The following RNF24 variants were observed in gnomAD, a reference collection of about 807,000 sequenced individuals.
The protein encoded by RNF24 is ring finger protein 24.
RNF24 carries 14 observed loss-of-function variants against 20.0 expected under a neutral mutation model. That is an observed-to-expected ratio of 0.70 (90% CI 0.46 to 1.10). RNF24 has a LOEUF of 1.10. RNF24 is among the 50% of genes least tolerant of loss of function. The pLI is 0.00. For missense variants in RNF24, 124 were observed against 177.6 expected (o/e 0.70, Z 1.71); for synonymous variants, 45 against 61.1 (o/e 0.74, Z 1.23).
intron 1 of RNF24, among the ~76,000 whole-genome samples, chr20:3,975,975 T>C (rs1042133390): frequency 6.6e-6 from 1 of 152,092 alleles, no homozygotes; most frequent in Non-Finnish European, 1.5e-5. Flanking sequence ...TTAGTAGAGA[T>C]GGGGTTTCAC....
chr20:3,961,345 G>T (rs889544203), intron 2 of RNF24, among the ~76,000 whole-genome samples: 1 of 150,984 alleles, frequency 6.6e-6, no homozygotes, highest in Non-Finnish European at 1.5e-5. Flanking sequence ...AGGCTTTGGT[G>T]AGCCTCATGT....
chr20:3,943,440 T>C (rs2090981114), intron 4 of RNF24, among the ~76,000 whole-genome samples: 1 of 152,028 alleles, frequency 6.6e-6, no homozygotes, highest in Non-Finnish European at 1.5e-5. Flanking sequence ...AGATTTACTA[T>C]AAAGCTATTA....
At chr20:3,959,273 C>T (rs2091176066) in intron 2 of RNF24, among the ~76,000 whole-genome samples, 1 of 152,262 alleles carries the variant, frequency 6.6e-6, no homozygotes, top group South Asian at 2.1e-4. Flanking sequence ...TACCCAGCTG[C>T]CTAAGCCAGA....
chr20:3,931,577 G>T lies in RNF24; in HGVS notation c.*2486C>A. 1 of 152,328 alleles carries T rather than the reference G, an allele frequency of 6.6e-6. No individual in the cohort carries two copies. 9.4% of individuals were successfully genotyped at this position (152,328 alleles called of 1,614,324 possible). A position where few individuals can be genotyped will look rare whatever the true frequency, so the allele number is the denominator to read the frequency against. On this transcript the variant is annotated 3_prime_UTR_variant, in exon 6 of 6. Coordinates refer to ENST00000358395, the MANE Select transcript of RNF24 (RefSeq NM_001134337.3). ...TCGGGTTGTGTTGCTAAGAGTCGCA[G>T]GAACTACTGCTAGTGATACTAGGCT... is the stretch of plus-strand genomic sequence containing the variant.
At chr20:3,988,198 C>T (rs1180628269) in intron 1 of RNF24, among the ~76,000 whole-genome samples, 3 of 151,970 alleles carry the variant, frequency 2.0e-5, no homozygotes, top group African/African-American at 7.3e-5. Flanking sequence ...ATGATATGCA[C>T]CTGTGATCCC....
chr20:3,978,406 C>T (rs973599561), intron 1 of RNF24, among the ~76,000 whole-genome samples: 4 of 151,852 alleles, frequency 2.6e-5, no homozygotes, highest in African/African-American at 4.8e-5. Context: ...GAAGAATTTG[C>T]AATATTCCCA....
chr20:3,964,524 A>T (rs905452038), intron 1 of RNF24, among the ~76,000 whole-genome samples: 12 of 150,296 alleles, frequency 8.0e-5, no homozygotes, highest in African/African-American at 2.7e-4. Context: ...TTTTCAAGTA[A>T]TTTTTTTTTT....
At chr20:4,008,393 T>TATATATATA (rs1362132260) in intron 1 of RNF24, among the ~76,000 whole-genome samples, 3 of 23,058 alleles carry the variant, frequency 1.3e-4, no homozygotes, top group African/African-American at 6.1e-4. Flanking sequence ...ATATATATTA[T>TATATATATA]ATATGTAATA....
intron 1 of RNF24, among the ~76,000 whole-genome samples, chr20:3,981,987 G>C (rs565265865): frequency 1.3e-5 from 2 of 151,928 alleles, no homozygotes; most frequent in East Asian, 1.9e-4. Flanking sequence ...GTATGGTGGT[G>C]CATGCCTATG....
intron 4 of RNF24, among the ~76,000 whole-genome samples, chr20:3,938,802 C>T (rs1354172587): frequency 6.6e-6 from 1 of 152,022 alleles, no homozygotes; most frequent in African/African-American, 2.4e-5. Flanking sequence ...GCACTGGTGC[C>T]ATCATAGCTC....
At chr20:3,999,399 T>C (rs1015002564) in intron 1 of RNF24, among the ~76,000 whole-genome samples, 1 of 152,204 alleles carries the variant, frequency 6.6e-6, no homozygotes, top group Non-Finnish European at 1.5e-5. Context: ...TAACCGTTTA[T>C]AGGGCTTTTC....
rs2091002252 is a variant in RNF24, at chr20:3,945,195, T to G, written c.210A>C (p.Lys70Asn). Residue 70 changes from lysine to asparagine, a missense_variant, in exon 4 of 6, where the codon AAA (lysine) becomes AAC (asparagine). Coordinates refer to ENST00000358395, the MANE Select transcript of RNF24 (RefSeq NM_001134337.3). ...AACTTACCTCATGTAAATTCAATTC[T>G]TTTACTTTCTCTTTTAATATAACCT... ...YKQVILKEKV[K>N]ELNLHELCAV... 6.3e-7 allele frequency: 1 copy of G among 1,597,880 alleles called. No homozygotes were observed. The highest frequency in any genetic ancestry group is 8.5e-7 in the Non-Finnish European group (1 of 1,172,084).
chr20:3,975,388 G>C (rs576748894), intron 1 of RNF24, among the ~76,000 whole-genome samples: 1 of 152,056 alleles, frequency 6.6e-6, no homozygotes, highest in East Asian at 1.9e-4. Context: ...GAGTATAAAA[G>C]GAAAAATTGA....
At chr20:3,989,696 G>A (rs866252701) in intron 1 of RNF24, among the ~76,000 whole-genome samples, 7 of 152,266 alleles carry the variant, frequency 4.6e-5, no homozygotes, top group South Asian at 4.2e-4. Context: ...AGCTGTGAAG[G>A]GAACTGATGT....
intron 1 of RNF24, among the ~76,000 whole-genome samples, chr20:3,993,891 C>G (rs528105032): frequency 1.5e-4 from 23 of 152,262 alleles, no homozygotes; most frequent in Admixed American, 6.5e-5. Flanking sequence ...CCCAAATACC[C>G]TTCGCCTAAC....
intron 2 of RNF24, among the ~76,000 whole-genome samples, chr20:3,954,342 A>G (rs897292745): frequency 1.3e-5 from 2 of 152,200 alleles, no homozygotes; most frequent in Non-Finnish European, 2.9e-5. Flanking sequence ...AATGCAATAT[A>G]TGGCCTTTTG....
chr20:3,960,442 G>T (rs917164369), intron 2 of RNF24, among the ~76,000 whole-genome samples: 2 of 152,096 alleles, frequency 1.3e-5, no homozygotes, highest in African/African-American at 4.8e-5. Flanking sequence ...GGCTGAGGCA[G>T]GCGGATCACA....
At chr20:3,995,080 A>G (rs1980752393) in intron 1 of RNF24, among the ~76,000 whole-genome samples, 1 of 152,246 alleles carries the variant, frequency 6.6e-6, no homozygotes, top group Non-Finnish European at 1.5e-5. Flanking sequence ...GTTCCATGAA[A>G]GATGGCATAG....
At chr20:4,014,739 G>GCACGCA (rs1555804208) in intron 1 of RNF24, among the ~76,000 whole-genome samples, 1 of 143,670 alleles carries the variant, frequency 7.0e-6, no homozygotes, top group Non-Finnish European at 1.5e-5. Flanking sequence ...ACTTGAATGC[G>GCACGCA]CACACACACA....
Sources: allele counts gnomAD v4.1 joint callset (sites outside exome capture counted in the v4.1 genomes callset), GRCh38; gene constraint gnomAD v4.1.1; transcripts MANE v1.5; gene names NCBI Gene and HGNC (gene_info 2026-07-23, HGNC 2026-07-21).